Variants in KIRREL3 observed in about 807,000 individuals in gnomAD.
KIRREL3 encodes kirre like nephrin family adhesion molecule 3.
In KIRREL3, 36 loss-of-function variants were observed where a neutral mutation model predicts 89.7. The ratio of observed to expected loss-of-function variants is 0.40; its 90% confidence interval spans 0.31 to 0.53. The LOEUF is 0.53. Ranked by LOEUF, KIRREL3 falls within the 20% of genes least tolerant of loss-of-function variation. KIRREL3 has a pLI of 0.49. For synonymous variants in KIRREL3, 445 were observed against 441.4 expected, an observed-to-expected ratio of 1.01 and a Z score of -0.10; for missense variants, 864 against 1,056.6, an observed-to-expected ratio of 0.82 and a Z score of 2.53.
At chr11:126,871,588 G>A (rs1784354) in intron 1 of KIRREL3, among the ~76,000 whole-genome samples, 126,874 of 152,188 alleles carry the variant, frequency 0.83, 53,007 homozygotes, top group East Asian at 1. Context: ...GAGTTACCTT[G>A]TAGATCTACT....
rs758298871 is a variant in KIRREL3, at chr11:126,996,401, C to G, written c.55+4054G>C. ...GCTGATTCCTTCTCTGCCTGTACCCCCTATGATCCCTCCATTCTTTAGGCC... is the reference window on the plus strand; with the variant it reads ...GCTGATTCCTTCTCTGCCTGTACCCGCTATGATCCCTCCATTCTTTAGGCC... On this transcript the variant is annotated intron_variant, in intron 1 of 16. Coordinates refer to ENST00000525144, the MANE Select transcript of KIRREL3 (RefSeq NM_032531.4). The surrounding 1 kb of genome is among the most constrained non-coding windows in gnomAD (Gnocchi z 4.7). Among the ~76,000 whole-genome samples, 10 of 152,194 alleles carry G rather than the reference C, an allele frequency of 6.6e-5. No individual in the cohort carries two copies. The highest frequency in any genetic ancestry group is 1.2e-4 in the Non-Finnish European group (8 of 68,024).
In KIRREL3 at chr11:126,427,396, CA is replaced by C. The variant is rs35411463; in HGVS notation, c.1807-1673del. Among the ~76,000 whole-genome samples, 51,280 of 151,986 alleles carry C rather than the reference CA, an allele frequency of 0.34. 9,698 individuals carry two copies. The highest frequency in any genetic ancestry group is 0.87 in the East Asian group (4,460 of 5,152). On this transcript the variant is annotated intron_variant, in intron 15 of 16. Coordinates refer to ENST00000525144, the MANE Select transcript of KIRREL3 (RefSeq NM_032531.4). The surrounding 1 kb of genome is among the most constrained non-coding windows in gnomAD (Gnocchi z 5.3). Reference sequence around the variant, plus strand: ...GAATGCACTATAAAGGAGGCACATACAAAGTGTTTTGGGAGAGCAGAAGGTG... The same window carrying C: ...GAATGCACTATAAAGGAGGCACATACAAGTGTTTTGGGAGAGCAGAAGGTG...
chr11:126,591,514 C>T (rs551863745), intron 1 of KIRREL3, among the ~76,000 whole-genome samples: 4 of 152,332 alleles, frequency 2.6e-5, no homozygotes, highest in South Asian at 2.1e-4. Flanking sequence ...GCTTCTACAT[C>T]TTGCCCAAGA....
chr11:126,765,319 C>A (rs1013449034), intron 1 of KIRREL3, among the ~76,000 whole-genome samples: 1 of 152,176 alleles, frequency 6.6e-6, no homozygotes, highest in African/African-American at 2.4e-5. Flanking sequence ...TCAAGCTTAT[C>A]TACACATGAG....
intron 1 of KIRREL3, among the ~76,000 whole-genome samples, chr11:126,658,312 T>G (rs546441771): frequency 2.0e-5 from 3 of 152,340 alleles, no homozygotes; most frequent in South Asian, 2.1e-4. Flanking sequence ...GTATGCTTAA[T>G]TATCTAGGGA....
At chr11:126,855,901 CAG>C (rs1043805557) in intron 1 of KIRREL3, among the ~76,000 whole-genome samples, 1 of 152,170 alleles carries the variant, frequency 6.6e-6, no homozygotes, top group Non-Finnish European at 1.5e-5. Context: ...CAGGAGGGGA[CAG>C]GGCCTATGGA....
chr11:126,586,288 G>A (rs1333004257), intron 1 of KIRREL3, among the ~76,000 whole-genome samples: 1 of 152,196 alleles, frequency 6.6e-6, no homozygotes, highest in Non-Finnish European at 1.5e-5. Flanking sequence ...AAATCACATT[G>A]TTTAGCGCTG....
chr11:126,604,786 G>T (rs972059115), intron 1 of KIRREL3, among the ~76,000 whole-genome samples: 4 of 152,170 alleles, frequency 2.6e-5, no homozygotes, highest in Non-Finnish European at 1.5e-5. Context: ...AAAAGAGGAG[G>T]TCTTCGAAAG....
At position 126,683,378 on chromosome 11, in the gene KIRREL3, C is replaced by G. The variant is rs913901415; in HGVS notation, c.56-120466G>C. ...TGGGATCGACCGTGGGGTCTCTGGA[C>G]AGCTCCCCAGAGGGCCGTGGTCCAC... On this transcript the variant is annotated intron_variant, in intron 1 of 16. Transcript: ENST00000525144. The surrounding 1 kb of genome is among the most constrained non-coding windows in gnomAD (Gnocchi z 5.2). Among the ~76,000 whole-genome samples the G allele has an allele frequency of 6.6e-6, 1 of 152,134 alleles. No individual in the cohort carries two copies. The highest frequency in any genetic ancestry group is 6.5e-5 in the Admixed American group (1 of 15,282).
chr11:126,832,781 A>G (rs994498311), intron 1 of KIRREL3, among the ~76,000 whole-genome samples: 2 of 151,544 alleles, frequency 1.3e-5, no homozygotes, highest in African/African-American at 4.9e-5. Context: ...TAGAAAACCT[A>G]CTCCTTTTTG....
intron 1 of KIRREL3, among the ~76,000 whole-genome samples, chr11:126,951,155 A>T (rs929868635): frequency 6.6e-6 from 1 of 152,212 alleles, no homozygotes; most frequent in African/African-American, 2.4e-5. Flanking sequence ...TCTACCTGCC[A>T]TGTGGGATAA....
Position 126,627,571 on chromosome 11 carries a change from T to C in KIRREL3, c.56-64659A>G, listed in dbSNP as rs1943843501. Among the ~76,000 whole-genome samples the C allele has an allele frequency of 2.0e-5, 3 of 152,332 alleles. No homozygotes were observed. In the South Asian group the frequency reaches 6.2e-4, roughly 32 times the overall value. On this transcript the variant is annotated intron_variant, in intron 1 of 16. Coordinates refer to ENST00000525144, the MANE Select transcript of KIRREL3 (RefSeq NM_032531.4). This position sits in a 1 kb window ranked among gnomAD's most constrained non-coding sequence, Gnocchi z 5.0. ...GCCAGTCCAGCTGCCATGTGGCCGATGTGTCCTACCGTGGTACATCATCTC... is the reference window on the plus strand; with the variant it reads ...GCCAGTCCAGCTGCCATGTGGCCGACGTGTCCTACCGTGGTACATCATCTC...
rs570563975 is a variant in KIRREL3 at position 126,990,081 on chromosome 11, C to A, written c.55+10374G>T. Among the ~76,000 whole-genome samples, 7 of 152,292 alleles carry A rather than the reference C, an allele frequency of 4.6e-5. No homozygotes were observed. The highest frequency in any genetic ancestry group is 1.2e-4 in the African/African-American group (5 of 41,562). ...GGAAGGGAAAACGCCTGGAGCGGGG[C>A]AGGGGGCACAGGCCTGGAGGCGGCT... On this transcript the variant is annotated intron_variant, in intron 1 of 16. Transcript: ENST00000525144. The surrounding 1 kb of genome is among the most constrained non-coding windows in gnomAD (Gnocchi z 6.3).
At chr11:126,923,419 TTCTTCC>T (rs1394011243) in intron 1 of KIRREL3, among the ~76,000 whole-genome samples, 5 of 144,140 alleles carry the variant, frequency 3.5e-5, no homozygotes, top group African/African-American at 5.2e-5. Context: ...TTCCTTCTTC[TTCTTCC>T]TCTTCCTCTT....
chr11:126,968,102 T>C (rs1193004314), intron 1 of KIRREL3, among the ~76,000 whole-genome samples: 1 of 152,208 alleles, frequency 6.6e-6, no homozygotes, highest in Non-Finnish European at 1.5e-5. Flanking sequence ...TAGCTAAATG[T>C]AGAGTTGTTG....
intron 4 of KIRREL3, among the ~76,000 whole-genome samples, chr11:126,518,263 G>A (rs111452344): frequency 0.035 from 5,393 of 152,310 alleles, 306 homozygotes; most frequent in African/African-American, 0.12. Flanking sequence ...CCTTCCCTAG[G>A]GCCCAGCGGC....
chr11:126,450,482 T>G (rs1259638608), intron 7 of KIRREL3, among the ~76,000 whole-genome samples: 3 of 146,186 alleles, frequency 2.1e-5, no homozygotes, highest in Non-Finnish European at 4.6e-5. Context: ...TGCATGTGTG[T>G]GGGTGTGAGT....
At position 126,782,577 on chromosome 11, in the gene KIRREL3, G is replaced by A. The variant is rs1950360525; in HGVS notation, c.55+217878C>T. On this transcript the variant is annotated intron_variant, in intron 1 of 16. Transcript: ENST00000525144. This position sits in a 1 kb window ranked among gnomAD's most constrained non-coding sequence, Gnocchi z 4.1. Reference sequence around the variant, plus strand: ...TTACAATTCTATATGCTGTACATGTGCACTGAAACTGAACAGTTAAGTAAA... The same window carrying A: ...TTACAATTCTATATGCTGTACATGTACACTGAAACTGAACAGTTAAGTAAA... Among the ~76,000 whole-genome samples the A allele has an allele frequency of 6.6e-6, 1 of 152,136 alleles. No individual in the cohort carries two copies. The highest frequency in any genetic ancestry group is 2.1e-4 in the South Asian group (1 of 4,818).
chr11:126,492,973 T>C lies in KIRREL3; in HGVS notation c.434-19507A>G, dbSNP rs1957560959. 6.6e-6 allele frequency among the ~76,000 whole-genome samples: 1 copy of C among 152,204 alleles called. No individual in the cohort carries two copies. The highest frequency in any genetic ancestry group is 1.5e-5 in the Non-Finnish European group (1 of 68,030). On this transcript the variant is annotated intron_variant, in intron 4 of 16. Transcript: ENST00000525144. This position sits in a 1 kb window ranked among gnomAD's most constrained non-coding sequence, Gnocchi z 4.8. The stretch of plus-strand genomic sequence containing the variant: ...GTGGGCTGAGTGACCCAAAAGGCCG[T>C]AGAACAGCCTCGGTGCTGCGGCTAA...
Sources: gnomAD v4.1 joint callset for allele counts (sites outside exome capture counted in the v4.1 genomes callset) on GRCh38, gnomAD v4.1.1 for gene constraint, Gnocchi (gnomAD v3.1) non-coding constraint, MANE v1.5 for transcripts, NCBI Gene and HGNC (gene_info 2026-07-23, HGNC 2026-07-21) for gene names.